The following EPB41L4A variants were observed in gnomAD, a reference collection of about 807,000 sequenced individuals.
The protein encoded by EPB41L4A is band 4.1-like protein 4A.
EPB41L4A carries 100 observed loss-of-function variants against 108.6 expected under a neutral mutation model. That is an observed-to-expected ratio of 0.92 (90% CI 0.78 to 1.09). The LOEUF (loss-of-function observed/expected upper bound fraction) is 1.09. Ranked by LOEUF, EPB41L4A falls within the 50% of genes least tolerant of loss-of-function variation. The probability of loss-of-function intolerance (pLI) is 0.00; values close to 1 mark genes in which losing one functional copy is unlikely to be tolerated. For missense variants in EPB41L4A, 1,030 were observed against 842.7 expected (o/e 1.22, Z -2.75); for synonymous variants, 319 against 289.0 (o/e 1.10, Z -1.05).
intron 1 of EPB41L4A, among the ~76,000 whole-genome samples, chr5:112,381,158 C>T (rs980281908): frequency 2.0e-5 from 3 of 152,204 alleles, no homozygotes; most frequent in Non-Finnish European, 4.4e-5. Flanking sequence ...TGCTTCACAA[C>T]AGAGCCAGGT....
In EPB41L4A at chr5:112,164,870, T is replaced by C; in HGVS notation, c.*120A>G. ...AAAAGAAGCAAAAGATAATGTATTTTCTCATGCTGAAGAAATACTTGCAGG... is the reference window on the plus strand; with the variant it reads ...AAAAGAAGCAAAAGATAATGTATTTCCTCATGCTGAAGAAATACTTGCAGG... On this transcript the variant is annotated 3_prime_UTR_variant, in exon 23 of 23. Transcript: ENST00000261486. 9.0e-7 allele frequency: 1 copy of C among 1,109,912 alleles called. No individual in the cohort carries two copies. The highest frequency in any genetic ancestry group is 2.1e-5 in the South Asian group (1 of 48,366). 68.8% of individuals were successfully genotyped at this position (1,109,912 alleles called of 1,614,324 possible). A position where few individuals can be genotyped will look rare whatever the true frequency, so the allele number is the denominator to read the frequency against.
chr5:112,145,996 A>G (rs1390170478), exon 13 of EPB41L4A: 1 of 456,024 alleles, frequency 2.2e-6, no homozygotes. Context: ...AGGTCTGGAC[A>G]CCCTGTTAAA....
At chr5:112,298,035 T>C (rs549799123) in intron 2 of EPB41L4A, among the ~76,000 whole-genome samples, 4 of 152,284 alleles carry the variant, frequency 2.6e-5, no homozygotes, top group African/African-American at 9.6e-5. Context: ...TATGGCCTTA[T>C]AGTATAGTTT....
intron 1 of EPB41L4A, among the ~76,000 whole-genome samples, chr5:112,388,695 G>A (rs1760729714): frequency 6.6e-6 from 1 of 152,184 alleles, no homozygotes; most frequent in African/African-American, 2.4e-5. Context: ...ATCTGGTCCA[G>A]GCTTCCCATC....
chr5:112,243,541 C>G (rs754274050), intron 9 of EPB41L4A, among the ~76,000 whole-genome samples: 46 of 152,270 alleles, frequency 3.0e-4, no homozygotes, highest in Non-Finnish European at 4.6e-4. Flanking sequence ...TATGAAAGTC[C>G]TAGATGGCAT....
chr5:112,336,614 A>T (rs1756939548), intron 1 of EPB41L4A, among the ~76,000 whole-genome samples: 1 of 152,162 alleles, frequency 6.6e-6, no homozygotes, highest in Non-Finnish European at 1.5e-5. Context: ...ATTAGGGCTT[A>T]CCACTGAGTG....
chr5:112,171,345 AAAG>A (rs1165053000), intron 18 of EPB41L4A, among the ~76,000 whole-genome samples: 2 of 152,220 alleles, frequency 1.3e-5, no homozygotes, highest in Non-Finnish European at 2.9e-5. Flanking sequence ...AGTAATGGTA[AAAG>A]AAGAACTCAT....
At chr5:112,159,085 G>A (rs1455670321), downstream of EPB41L4A, among the ~76,000 whole-genome samples, 1 of 151,954 alleles carries the variant, frequency 6.6e-6, no homozygotes, top group African/African-American at 2.4e-5. Flanking sequence ...TACTAATTCT[G>A]TACAGTCATT....
chr5:112,227,330 C>T (rs1273261207), intron 12 of EPB41L4A, among the ~76,000 whole-genome samples: 1 of 152,154 alleles, frequency 6.6e-6, no homozygotes, highest in African/African-American at 2.4e-5. Flanking sequence ...CATGCCATTA[C>T]AGCGAATATA....
At chr5:112,347,369 A>T (rs1300449475) in intron 1 of EPB41L4A, among the ~76,000 whole-genome samples, 1 of 152,240 alleles carries the variant, frequency 6.6e-6, no homozygotes, top group East Asian at 1.9e-4. Flanking sequence ...GTTGAATTTT[A>T]AATAACTGAG....
At chr5:112,331,712 G>C (rs139324967) in intron 1 of EPB41L4A, among the ~76,000 whole-genome samples, 2 of 152,134 alleles carry the variant, frequency 1.3e-5, no homozygotes, top group Admixed American at 1.3e-4. Flanking sequence ...CAGGATCTTC[G>C]CAAGTCCAGC....
Position 112,266,253 on chromosome 5 carries a change from A to G in EPB41L4A, c.413T>C (p.Leu138Pro). 1 of 1,610,482 alleles carries G rather than the reference A, an allele frequency of 6.2e-7. No homozygotes were observed. Among genetic ancestry groups the G allele is most frequent in the Non-Finnish European group, 8.5e-7 (1 of 1,178,618 alleles). Residue 138 changes from leucine (L) to proline (P), a missense_variant, in exon 5 of 23, where the codon CTG (leucine) becomes CCG (proline). Transcript: ENST00000261486. ...LPCPVNTAAQ[L>P]GAYAIQSELG... ...CCTACACTGGATGGCATACGCTCCCAGCTGAGCAGCAGTGTTGACGGGACA... is the reference window on the plus strand; with the variant it reads ...CCTACACTGGATGGCATACGCTCCCGGCTGAGCAGCAGTGTTGACGGGACA...
intron 1 of EPB41L4A, among the ~76,000 whole-genome samples, chr5:112,380,253 G>C (rs571703986): frequency 3.3e-4 from 50 of 152,192 alleles, no homozygotes; most frequent in African/African-American, 1.1e-3. Context: ...TGAAAACAAG[G>C]ATCAGAGAGA....
intron 9 of EPB41L4A, chr5:112,249,237 T>C (rs1750468303): frequency 6.6e-6 from 1 of 152,186 alleles, no homozygotes; most frequent in South Asian, 2.1e-4. Flanking sequence ...TTTTTGCTTT[T>C]TTCTTTCTAT....
chr5:112,270,799 T>G (rs936589239), intron 4 of EPB41L4A, among the ~76,000 whole-genome samples: 2 of 152,124 alleles, frequency 1.3e-5, no homozygotes, highest in African/African-American at 4.8e-5. Flanking sequence ...GATTCTGGGT[T>G]GCAAAAAGAA....
intron 1 of EPB41L4A, among the ~76,000 whole-genome samples, chr5:112,390,603 C>T (rs1760871852): frequency 6.6e-6 from 1 of 152,192 alleles, no homozygotes; most frequent in South Asian, 2.1e-4. Context: ...TCTGTAGACT[C>T]CACCTCTGGG....
At position 112,184,153 on chromosome 5, in the gene EPB41L4A, C is replaced by A; in HGVS notation, c.1503-18G>T. The A allele has an allele frequency of 1.2e-6, 2 of 1,613,442 alleles. No homozygotes were observed. The highest frequency in any genetic ancestry group is 1.7e-6 in the Non-Finnish European group (2 of 1,179,666). On this transcript the variant is annotated intron_variant, in intron 17 of 22. Transcript: ENST00000261486. ...GCCGTATTCTGAAAGGAAAGCCATGCATCTGAAGTTAACATCTACATGGAT... is the reference window on the plus strand; with the variant it reads ...GCCGTATTCTGAAAGGAAAGCCATGAATCTGAAGTTAACATCTACATGGAT...
intron 1 of EPB41L4A, among the ~76,000 whole-genome samples, chr5:112,320,260 G>C (rs1755687936): frequency 6.6e-6 from 1 of 152,172 alleles, no homozygotes; most frequent in Non-Finnish European, 1.5e-5. Context: ...AGAAAGCTGT[G>C]TGAGAAAAGA....
intron 9 of EPB41L4A, among the ~76,000 whole-genome samples, chr5:112,245,600 A>G (rs1467633454): frequency 6.6e-6 from 1 of 152,194 alleles, no homozygotes; most frequent in African/African-American, 2.4e-5. Flanking sequence ...CTACTAAAAT[A>G]TAGCAAGTGG....
Sources: allele counts gnomAD v4.1 joint callset (sites outside exome capture counted in the v4.1 genomes callset), GRCh38; gene constraint gnomAD v4.1.1; transcripts MANE v1.5; gene names NCBI Gene and HGNC (gene_info 2026-07-23, HGNC 2026-07-21).